Variants in CEP57L1 observed in about 807,000 individuals in gnomAD.
CEP57L1 encodes centrosomal protein CEP57L1.
Under a neutral mutation model 61.0 loss-of-function variants are expected in CEP57L1, and 37 were observed. The observed-to-expected ratio is 0.61, with a 90% CI of 0.47 to 0.80. The LOEUF (loss-of-function observed/expected upper bound fraction) is 0.80. Among genes scored for constraint, CEP57L1 ranks in the 30% least tolerant of loss-of-function variants. The pLI, the probability that CEP57L1 is intolerant of heterozygous loss-of-function variation, is 0.00. For missense variants in CEP57L1, 422 were observed against 524.7 expected (o/e 0.80, Z 1.91); for synonymous variants, 137 against 162.3 (o/e 0.84, Z 1.19).
chr6:109,144,045 T>C (rs1771704485), intron 1 of CEP57L1, among the ~76,000 whole-genome samples: 1 of 152,170 alleles, frequency 6.6e-6, no homozygotes, highest in South Asian at 2.1e-4. Context: ...GTGTCTGAGA[T>C]AGCTGGTACT....
At chr6:109,145,934 C>G (rs1771912372) in intron 2 of CEP57L1, among the ~76,000 whole-genome samples, 1 of 151,900 alleles carries the variant, frequency 6.6e-6, no homozygotes, top group Admixed American at 6.6e-5. Flanking sequence ...ATGCTGATAT[C>G]ACCTACTTTT....
intron 2 of CEP57L1, 126 bp downstream of exon 2, chr6:109,145,507 A>G: frequency 6.2e-6 from 4 of 640,646 alleles, no homozygotes; most frequent in Non-Finnish European, 9.9e-6. Context: ...TTCTGTTGCT[A>G]AAAGTTTCTA....
chr6:109,136,135 A>G (rs1291894416), intron 1 of CEP57L1, among the ~76,000 whole-genome samples: 1 of 152,222 alleles, frequency 6.6e-6, no homozygotes, highest in Non-Finnish European at 1.5e-5. Flanking sequence ...TTGCGGCACT[A>G]TTCACAATAG....
chr6:109,158,533 A>G, intron 7 of CEP57L1: 1 of 414,406 alleles, frequency 2.4e-6, no homozygotes, highest in Admixed American at 3.2e-5. Context: ...TTTAGCTATT[A>G]CAAATAAAGC....
In CEP57L1 at chr6:109,159,592, AGCCACCGTGCCTGGCC is replaced by A. The variant is rs1773548427; in HGVS notation, c.1016+131_1016+146del. ...CCAAAGTGCTAGGATTACAAGCATG[AGCCACCGTGCCTGGCC>A]AGTATTTTTATTCTTTATCAGGAGA... On this transcript the variant is annotated intron_variant, in intron 9 of 10. Coordinates refer to ENST00000517392, the MANE Select transcript of CEP57L1 (RefSeq NM_001271852.3). 5.4e-6 allele frequency: 4 copies of A among 742,698 alleles called. No individual in the cohort carries two copies. In the African/African-American group the frequency reaches 7.1e-5, roughly 13 times the overall value. The allele number at this position is 742,698 out of a possible 1,614,324, so 46.0% of individuals were successfully genotyped here.
intron 1 of CEP57L1, among the ~76,000 whole-genome samples, chr6:109,097,072 G>A (rs1211661531): frequency 6.6e-6 from 1 of 152,116 alleles, no homozygotes; most frequent in African/African-American, 2.4e-5. Context: ...CTTTTTCAGT[G>A]TTCCTTATTT....
At chr6:109,103,343 G>C (rs565357064) in intron 1 of CEP57L1, among the ~76,000 whole-genome samples, 13 of 151,918 alleles carry the variant, frequency 8.6e-5, no homozygotes, top group African/African-American at 3.1e-4. Flanking sequence ...TTTATGTGTG[G>C]GGTATATGTG....
chr6:109,146,349 A>G (rs1771956344), intron 2 of CEP57L1, among the ~76,000 whole-genome samples: 1 of 151,890 alleles, frequency 6.6e-6, no homozygotes, highest in Non-Finnish European at 1.5e-5. Context: ...AAGAACTGAG[A>G]AAAAAAGCCT....
In CEP57L1 at chr6:109,166,661, G is replaced by A. The variant is rs1774122819; in HGVS notation, c.*3691G>A. 6.6e-6 allele frequency among the ~76,000 whole-genome samples: 1 copy of A among 152,090 alleles called. No individual in the cohort carries two copies. The highest frequency in any genetic ancestry group is 1.5e-5 in the Non-Finnish European group (1 of 68,020). On this transcript the variant is annotated 3_prime_UTR_variant, in exon 11 of 11. Coordinates refer to ENST00000517392, the MANE Select transcript of CEP57L1 (RefSeq NM_001271852.3). ...GCCTCCCAAAGTGCTGGGATTACAG[G>A]CATGAGCCACTGCGCCCAGCCTAAA...
At chr6:109,154,684 CA>C (rs1293993527) in intron 5 of CEP57L1, among the ~76,000 whole-genome samples, 1 of 151,872 alleles carries the variant, frequency 6.6e-6, no homozygotes, top group East Asian at 1.9e-4. Context: ...GATACCGAAC[CA>C]GTAATGAAAA....
intron 1 of CEP57L1, chr6:109,130,751 T>C (rs1338522035): frequency 6.6e-6 from 1 of 151,976 alleles, no homozygotes; most frequent in African/African-American, 2.4e-5. Flanking sequence ...GGTTATGCTT[T>C]CTGGCCAGAA....
chr6:109,150,919 A>G (rs1307652122), intron 4 of CEP57L1, among the ~76,000 whole-genome samples: 1 of 152,168 alleles, frequency 6.6e-6, no homozygotes, highest in African/African-American at 2.4e-5. Flanking sequence ...GGTCCACTCT[A>G]AAGAGAACAC....
chr6:109,157,482 G>T (rs1283514263), intron 7 of CEP57L1: 1 of 152,176 alleles, frequency 6.6e-6, no homozygotes, highest in Non-Finnish European at 1.5e-5. Context: ...AAGTGTTGTG[G>T]TGCTGTGTAG....
rs546641999 is a variant in CEP57L1 at position 109,167,698 on chromosome 6, G to A, written c.*4728G>A. On this transcript the variant is annotated 3_prime_UTR_variant, in exon 11 of 11. Coordinates refer to ENST00000517392, the MANE Select transcript of CEP57L1 (RefSeq NM_001271852.3). ...CCTCAAAGCAAAAAAAAAAAGAAAA[G>A]AAAAGAAAAAAGGAATAGCCCAGTA... 6.7e-3 allele frequency among the ~76,000 whole-genome samples: 1,008 copies of A among 150,152 alleles called. 15 individuals are homozygous for A. Among genetic ancestry groups the A allele is most frequent in the African/African-American group, 0.024 (962 of 40,416 alleles).
At position 109,095,518 on chromosome 6, in the gene CEP57L1, T is replaced by A; in HGVS notation, c.-61T>A. The A allele has an allele frequency of 1.0e-6, 1 of 985,838 alleles. No homozygotes were observed. The highest frequency in any genetic ancestry group is 1.2e-6 in the Non-Finnish European group (1 of 829,940). 61.1% of individuals were successfully genotyped at this position (985,838 alleles called of 1,614,324 possible). ...CCAGGGGCCACCGCGACGTTGCCTG[T>A]GGGTGCCCGCGAACCAACGGTTAGC... On this transcript the variant is annotated 5_prime_UTR_variant, in exon 1 of 11. Coordinates refer to ENST00000517392, the MANE Select transcript of CEP57L1 (RefSeq NM_001271852.3).
In CEP57L1 at chr6:109,142,598, G is replaced by T. The variant is rs191071623; in HGVS notation, c.-3-2621G>T. Among the ~76,000 whole-genome samples the T allele has an allele frequency of 3.2e-3, 458 of 141,952 alleles. 2 individuals are homozygous for T. The highest frequency in any genetic ancestry group is 2.5e-3 in the East Asian group (12 of 4,854). The allele number at this position is 141,952 out of a possible 152,430, so 93.1% of individuals were successfully genotyped here. A position where few individuals can be genotyped will look rare whatever the true frequency, so the allele number is the denominator to read the frequency against. ...TTTGTTTGTTGTTAGAATAAATAAAGAAAAAATAAATAAAAATTTTAAGAA... is the reference window on the plus strand; with the variant it reads ...TTTGTTTGTTGTTAGAATAAATAAATAAAAAATAAATAAAAATTTTAAGAA... On this transcript the variant is annotated intron_variant, in intron 1 of 10. Coordinates refer to ENST00000517392, the MANE Select transcript of CEP57L1 (RefSeq NM_001271852.3).
chr6:109,162,632 A>ATTT, intron 10 of CEP57L1, 117 bp from the exon 11 acceptor site: 1 of 683,920 alleles, frequency 1.5e-6, no homozygotes, highest in Non-Finnish European at 2.5e-6. Context: ...AATGAATTGA[A>ATTT]TTTTTTAATG....
chr6:109,123,310 C>T (rs1239417403), intron 1 of CEP57L1, among the ~76,000 whole-genome samples: 2 of 152,134 alleles, frequency 1.3e-5, no homozygotes, highest in Non-Finnish European at 2.9e-5. Flanking sequence ...ATAAAATTGG[C>T]ATGTCTCTAT....
rs1181306026 is a variant in CEP57L1, at chr6:109,164,232, C to T, written c.*1262C>T. Among the ~76,000 whole-genome samples the T allele has an allele frequency of 6.6e-6, 1 of 152,080 alleles. No individual in the cohort carries two copies. Among genetic ancestry groups the T allele is most frequent in the Non-Finnish European group, 1.5e-5 (1 of 68,002 alleles). On this transcript the variant is annotated 3_prime_UTR_variant, in exon 11 of 11. Coordinates refer to ENST00000517392, the MANE Select transcript of CEP57L1 (RefSeq NM_001271852.3). ...TTTTAAAAGACAGTTTTTCTGTTTT[C>T]CTAGGAAATTCCCAAGAAGCTTGTG...
Sources: gnomAD v4.1 joint callset for allele counts (sites outside exome capture counted in the v4.1 genomes callset) on GRCh38, gnomAD v4.1.1 for gene constraint, MANE v1.5 for transcripts, NCBI Gene and HGNC (gene_info 2026-07-23, HGNC 2026-07-21) for gene names.